The following ZFP82 variants were observed in gnomAD, a reference collection of about 807,000 sequenced individuals.
The protein encoded by ZFP82 is zinc finger protein 82 homolog.
In ZFP82, 30 loss-of-function variants were observed where a neutral mutation model predicts 54.0. That is an observed-to-expected ratio of 0.56 (90% confidence interval 0.42 to 0.75). ZFP82 has a LOEUF of 0.75. Ranked by LOEUF, ZFP82 falls within the 30% of genes least tolerant of loss-of-function variation. The probability of loss-of-function intolerance (pLI) is 0.00; values close to 1 mark genes in which losing one functional copy is unlikely to be tolerated. For synonymous variants in ZFP82, 194 were observed against 209.5 expected (o/e 0.93, Z 0.64); for missense variants, 500 against 636.8 (o/e 0.79, Z 2.31).
chr19:36,405,304 G>A (rs1277053890), intron 4 of ZFP82, among the ~76,000 whole-genome samples: 1 of 152,036 alleles, frequency 6.6e-6, no homozygotes, highest in South Asian at 2.1e-4. Flanking sequence ...TTAAGGAGGA[G>A]GAAAACTAGA....
At chr19:36,385,554 A>G (rs927523568), downstream of ZFP82, among the ~76,000 whole-genome samples, 1 of 152,222 alleles carries the variant, frequency 6.6e-6, no homozygotes, top group African/African-American at 2.4e-5. Flanking sequence ...TGTGGGTGGA[A>G]TGTTAAAGGG....
chr19:36,417,976 T>C lies in ZFP82; in HGVS notation c.-79+516A>G, dbSNP rs571937365. The stretch of plus-strand genomic sequence containing the variant: ...TGCCCAGGCTGGAGAGTAGTGGTGC[T>C]ATCATAGCTCGCTGCAGCCTCAATC... On this transcript the variant is annotated intron_variant, in intron 1 of 4. Coordinates refer to ENST00000392161, the MANE Select transcript of ZFP82 (RefSeq NM_133466.4). Among the ~76,000 whole-genome samples, 322 of 152,148 alleles carry C rather than the reference T, an allele frequency of 2.1e-3. 1 individual carries two copies. Among genetic ancestry groups the C allele is most frequent in the African/African-American group, 7.4e-3 (308 of 41,518 alleles).
intron 4 of ZFP82, among the ~76,000 whole-genome samples, chr19:36,396,348 C>A (rs560197356): frequency 1.2e-3 from 181 of 152,170 alleles, no homozygotes; most frequent in African/African-American, 4.2e-3. Context: ...AAGACCTCAT[C>A]TCTAAAAATA....
At chr19:36,406,580 GTTCC>G (rs747456881) in intron 3 of ZFP82, among the ~76,000 whole-genome samples, 32 of 152,112 alleles carry the variant, frequency 2.1e-4, no homozygotes, top group Non-Finnish European at 4.0e-4. Context: ...TCAGTAGTTT[GTTCC>G]TTCAATGAAT....
At chr19:36,399,139 T>G (rs1289876327) in intron 4 of ZFP82, among the ~76,000 whole-genome samples, 1 of 152,098 alleles carries the variant, frequency 6.6e-6, no homozygotes, top group Non-Finnish European at 1.5e-5. Flanking sequence ...CATTTAACAA[T>G]AAAATATGAG....
At chr19:36,408,386 A>G (rs989346389) in intron 2 of ZFP82, among the ~76,000 whole-genome samples, 2 of 152,112 alleles carry the variant, frequency 1.3e-5, no homozygotes, top group Non-Finnish European at 2.9e-5. Context: ...CTTCTTAAAG[A>G]ACAGATTTTT....
intron 4 of ZFP82, among the ~76,000 whole-genome samples, chr19:36,402,724 G>A (rs563308797): frequency 1.4e-3 from 219 of 151,654 alleles, no homozygotes; most frequent in African/African-American, 5.1e-3. Context: ...GGCCGGGTGC[G>A]GTGGCTCACG....
intron 4 of ZFP82, chr19:36,395,569 C>A (rs1738921265): frequency 6.6e-6 from 1 of 152,096 alleles, no homozygotes; most frequent in African/African-American, 2.4e-5. Flanking sequence ...AGTCACGTTA[C>A]ATGTAGGCCA....
chr19:36,392,454 T>C lies in ZFP82; in HGVS notation c.*287A>G. 1 of 287,458 alleles carries C rather than the reference T, an allele frequency of 3.5e-6. No homozygotes were observed. The highest frequency in any genetic ancestry group is 6.4e-6 in the Non-Finnish European group (1 of 155,506). 17.8% of individuals were successfully genotyped at this position (287,458 alleles called of 1,614,324 possible). ...GCTGCACTCTTATATGACCATGTCA[T>C]AAATTAAAAAATTATAGCACAGAGC... On this transcript the variant is annotated 3_prime_UTR_variant, in exon 5 of 5. Coordinates refer to ENST00000392161, the MANE Select transcript of ZFP82 (RefSeq NM_133466.4).
chr19:36,387,468 C>A (rs1323326665), downstream of ZFP82, among the ~76,000 whole-genome samples: 1 of 152,126 alleles, frequency 6.6e-6, no homozygotes, highest in African/African-American at 2.4e-5. Context: ...CTCCCTCTTG[C>A]CCTCTCTCTC....
exon 2 of ZFP82, chr19:36,383,423 T>G (rs2032081739): frequency 6.6e-6 from 1 of 151,626 alleles, no homozygotes; most frequent in Non-Finnish European, 1.5e-5. Flanking sequence ...AAAAAAAAAG[T>G]TAAACAAGAA....
intron 4 of ZFP82, among the ~76,000 whole-genome samples, chr19:36,401,677 A>C (rs1258552459): frequency 6.6e-6 from 1 of 152,206 alleles, no homozygotes; most frequent in African/African-American, 2.4e-5. Context: ...TAATTTTAGA[A>C]TACAAGCAGC....
chr19:36,385,940 GA>G (rs2145573320), downstream of ZFP82, among the ~76,000 whole-genome samples: 1 of 152,322 alleles, frequency 6.6e-6, no homozygotes, highest in Non-Finnish European at 1.5e-5. Flanking sequence ...TAATTAAAAG[GA>G]AGGCAGAACA....
intron 1 of ZFP82, among the ~76,000 whole-genome samples, chr19:36,414,862 C>G (rs1011963288): frequency 1.1e-4 from 16 of 145,960 alleles, no homozygotes; most frequent in African/African-American, 4.1e-4. Context: ...GCTCCTGTTG[C>G]CCGGGCTGGA....
chr19:36,386,609 TAG>T (rs754487453), downstream of ZFP82, among the ~76,000 whole-genome samples: 22 of 152,182 alleles, frequency 1.4e-4, no homozygotes, highest in South Asian at 6.2e-4. Context: ...AAGTAGGTCA[TAG>T]AGTTAAGGAA....
At chr19:36,387,383 A>G (rs945393991), downstream of ZFP82, among the ~76,000 whole-genome samples, 7 of 152,200 alleles carry the variant, frequency 4.6e-5, no homozygotes, top group African/African-American at 1.7e-4. Flanking sequence ...TGATTGGTCC[A>G]TGAGGACTCT....
chr19:36,386,594 T>C (rs1236438835), downstream of ZFP82, among the ~76,000 whole-genome samples: 1 of 152,218 alleles, frequency 6.6e-6, no homozygotes, highest in African/African-American at 2.4e-5. Flanking sequence ...CACCCCAGTG[T>C]GTCCAAGTAG....
rs981885721 is a variant in ZFP82, at chr19:36,409,404, T to C, written c.9+377A>G. ...ATGTCAACCTCCTGAACAGGAGGGA[T>C]TACAGGTGCAAGCCACCATGCCCAG... On this transcript the variant is annotated intron_variant, in intron 2 of 4. Coordinates refer to ENST00000392161, the MANE Select transcript of ZFP82 (RefSeq NM_133466.4). Among the ~76,000 whole-genome samples the C allele has an allele frequency of 5.3e-5, 8 of 152,216 alleles. No homozygotes were observed. In the South Asian group the frequency reaches 1.7e-3, roughly 32 times the overall value.
rs1457168755 is a variant in ZFP82 at position 36,389,572 on chromosome 19, T to TA, written c.*3168dup. On this transcript the variant is annotated 3_prime_UTR_variant, in exon 5 of 5. Coordinates refer to ENST00000392161, the MANE Select transcript of ZFP82 (RefSeq NM_133466.4). Reference sequence around the variant, plus strand: ...TACCTCAGTATGAATCTCTAACACTTAAGGACTCATACACATATACCCATA... The same window carrying TA: ...TACCTCAGTATGAATCTCTAACACTTAAAGGACTCATACACATATACCCATA... 1.3e-5 allele frequency among the ~76,000 whole-genome samples: 2 copies of TA among 152,144 alleles called. No individual in the cohort carries two copies. Among genetic ancestry groups the TA allele is most frequent in the African/African-American group, 4.8e-5 (2 of 41,428 alleles).
Sources: allele counts gnomAD v4.1 joint callset (sites outside exome capture counted in the v4.1 genomes callset), GRCh38; gene constraint gnomAD v4.1.1; transcripts MANE v1.5; gene names NCBI Gene and HGNC (gene_info 2026-07-23, HGNC 2026-07-21).